The following KCNH8 variants were observed in gnomAD, a reference collection of about 807,000 sequenced individuals.
KCNH8 encodes voltage-gated delayed rectifier potassium channel KCNH8.
Under a neutral mutation model 103.6 loss-of-function variants are expected in KCNH8, and 70 were observed. The ratio of observed to expected loss-of-function variants is 0.68; its 90% CI spans 0.56 to 0.82. KCNH8 has a LOEUF of 0.82. Ranked by LOEUF, KCNH8 falls within the 40% of genes least tolerant of loss-of-function variation. The probability of loss-of-function intolerance (pLI) is 0.00; values close to 1 mark genes in which losing one functional copy is unlikely to be tolerated. For missense variants in KCNH8, 1,217 were observed against 1,329.9 expected, an observed-to-expected ratio of 0.92 and a Z score of 1.32; for synonymous variants, 498 against 489.4, an observed-to-expected ratio of 1.02 and a Z score of -0.23.
chr3:19,454,756 T>C (rs1187188567), intron 10 of KCNH8, among the ~76,000 whole-genome samples: 1 of 152,174 alleles, frequency 6.6e-6, no homozygotes, highest in East Asian at 1.9e-4. Context: ...CTCCATAAAT[T>C]GTGATTAACA....
chr3:19,320,148 A>G (rs1329219513), intron 3 of KCNH8, among the ~76,000 whole-genome samples: 1 of 151,954 alleles, frequency 6.6e-6, no homozygotes, highest in Non-Finnish European at 1.5e-5. Flanking sequence ...GATGCCCTTA[A>G]TTTCTTTCTC....
At chr3:19,344,811 A>G (rs2065707859) in intron 4 of KCNH8, among the ~76,000 whole-genome samples, 1 of 152,116 alleles carries the variant, frequency 6.6e-6, no homozygotes, top group African/African-American at 2.4e-5. Flanking sequence ...AATTCCTTTT[A>G]CTTACATCAT....
At chr3:19,218,927 T>C (rs896581607) in intron 1 of KCNH8, among the ~76,000 whole-genome samples, 2 of 152,194 alleles carry the variant, frequency 1.3e-5, no homozygotes, top group African/African-American at 4.8e-5. Context: ...CTTATTCCAG[T>C]ATAACCTCAT....
intron 5 of KCNH8, among the ~76,000 whole-genome samples, chr3:19,355,417 T>C (rs995883610): frequency 1.3e-5 from 2 of 152,174 alleles, no homozygotes; most frequent in Non-Finnish European, 2.9e-5. Flanking sequence ...CATGCTGCTA[T>C]AAAGACACAT....
At chr3:19,234,583 A>G (rs2064038442) in intron 1 of KCNH8, among the ~76,000 whole-genome samples, 1 of 152,176 alleles carries the variant, frequency 6.6e-6, no homozygotes, top group African/African-American at 2.4e-5. Flanking sequence ...GCTGGCCCGC[A>G]AGCACCGTCC....
intron 5 of KCNH8, among the ~76,000 whole-genome samples, chr3:19,387,586 A>T (rs1421526204): frequency 6.6e-6 from 1 of 152,136 alleles, no homozygotes; most frequent in Non-Finnish European, 1.5e-5. Context: ...CAGTTACTGA[A>T]TAAATAATAT....
chr3:19,267,425 A>G (rs767663379), intron 2 of KCNH8, among the ~76,000 whole-genome samples: 6 of 152,170 alleles, frequency 3.9e-5, no homozygotes, highest in Non-Finnish European at 7.4e-5. Context: ...GTTGGCCTTT[A>G]GCAACTTTGC....
At chr3:19,313,476 A>G (rs1042628031) in intron 3 of KCNH8, among the ~76,000 whole-genome samples, 1 of 151,890 alleles carries the variant, frequency 6.6e-6, no homozygotes, top group South Asian at 2.1e-4. Flanking sequence ...AAATTCTATA[A>G]TCACACTATA....
Position 19,533,741 on chromosome 3 carries a change from C to T in KCNH8, c.2966C>T (p.Pro989Leu), listed in dbSNP as rs1224231920. Residue 989 changes from proline (P) to leucine (L), a missense_variant, in exon 16 of 16, where the codon CCA becomes CTA. Pro to Leu is a moderately conservative substitution (Grantham distance 98). This residue lies in a region of KCNH8 where 558 missense variants were observed against 495.8 expected (regional missense o/e 1.13). Transcript: ENST00000328405. ...GCAGACAGTGAACTTTATCATTCTC[C>T]AAGCCTTGATTATTCACCTTCCCAC... ...NPADSELYHS[P>L]SLDYSPSHYQ... 1.2e-6 allele frequency: 2 copies of T among 1,614,052 alleles called. No homozygotes were observed. The highest frequency in any genetic ancestry group is 3.3e-5 in the Admixed American group (2 of 59,998).
intron 7 of KCNH8, among the ~76,000 whole-genome samples, chr3:19,436,576 G>A (rs558348356): frequency 6.6e-6 from 1 of 152,188 alleles, no homozygotes; most frequent in Non-Finnish European, 1.5e-5. Context: ...TGCTTCATCA[G>A]CTGTAACACA....
intron 1 of KCNH8, among the ~76,000 whole-genome samples, chr3:19,220,207 C>T (rs907101720): frequency 4.6e-5 from 7 of 152,142 alleles, no homozygotes; most frequent in Non-Finnish European, 8.8e-5. Context: ...TTCTGGCGCC[C>T]AGCATAGATG....
At chr3:19,291,041 A>G (rs548066076) in intron 3 of KCNH8, among the ~76,000 whole-genome samples, 4 of 152,212 alleles carry the variant, frequency 2.6e-5, no homozygotes, top group South Asian at 4.1e-4. Context: ...AGAGGTGTTT[A>G]TAGTATTCTC....
chr3:19,371,305 A>G (rs1158224818), intron 5 of KCNH8, among the ~76,000 whole-genome samples: 1 of 151,670 alleles, frequency 6.6e-6, no homozygotes, highest in East Asian at 1.9e-4. Context: ...TGCCATTCTA[A>G]CTGGTGTGAG....
chr3:19,287,840 T>A (rs1342662185), intron 3 of KCNH8, among the ~76,000 whole-genome samples: 2 of 151,632 alleles, frequency 1.3e-5, no homozygotes, highest in Non-Finnish European at 2.9e-5. Flanking sequence ...TGCCTCGGCC[T>A]CCTGAAGTGT....
intron 1 of KCNH8, among the ~76,000 whole-genome samples, chr3:19,177,166 A>G (rs2063408853): frequency 6.6e-6 from 1 of 152,166 alleles, no homozygotes. Context: ...ACACGGCACT[A>G]AATAGAACAC....
At chr3:19,278,489 G>C in intron 2 of KCNH8, among the ~76,000 whole-genome samples, 1 of 105,100 alleles carries the variant, frequency 9.5e-6, no homozygotes, top group South Asian at 3.8e-4. Context: ...AGGAAGGAGG[G>C]AAATGAGGAA....
At chr3:19,397,525 GTATATATACACACA>G (rs2066539461) in intron 7 of KCNH8, among the ~76,000 whole-genome samples, 1 of 148,180 alleles carries the variant, frequency 6.7e-6, no homozygotes, top group Admixed American at 6.8e-5. Flanking sequence ...ATATACGTGT[GTATATATACACACA>G]TATATATATA....
intron 1 of KCNH8, among the ~76,000 whole-genome samples, chr3:19,197,708 A>C (rs1286109904): frequency 6.6e-6 from 1 of 151,678 alleles, no homozygotes; most frequent in Non-Finnish European, 1.5e-5. Flanking sequence ...TTCCTATGTA[A>C]TTGGATTGTT....
intron 15 of KCNH8, among the ~76,000 whole-genome samples, chr3:19,524,697 G>A (rs777447854): frequency 1.3e-5 from 2 of 151,882 alleles, no homozygotes; most frequent in African/African-American, 4.8e-5. Context: ...GCTTATGATT[G>A]CTTATAGATA....
Sources: allele counts gnomAD v4.1 joint callset (sites outside exome capture counted in the v4.1 genomes callset), GRCh38; gene constraint gnomAD v4.1.1; regional missense constraint gnomAD v4.1.1; transcripts MANE v1.5; gene names NCBI Gene and HGNC (gene_info 2026-07-23, HGNC 2026-07-21).